Variants in MTM1 observed in about 807,000 individuals in gnomAD.
MTM1 encodes the protein myotubularin 1, also known as myotubularin.
In MTM1, 9 loss-of-function variants were observed where a neutral mutation model predicts 52.1. The ratio of observed to expected loss-of-function variants is 0.17; its 90% confidence interval spans 0.10 to 0.30. The LOEUF is 0.30. MTM1 is among the 10% of genes least tolerant of loss of function. MTM1 has a pLI of 1.00. For synonymous variants in MTM1, 136 were observed against 163.8 expected (o/e 0.83, Z 1.29); for missense variants, 277 against 470.7 (o/e 0.59, Z 3.81).
chrX:150,606,623 C>T (rs1178783904), intron 4 of MTM1, among the ~76,000 whole-genome samples: 1 of 111,544 alleles, frequency 9.0e-6, no homozygotes, highest in East Asian at 2.8e-4. Flanking sequence ...TCCTCCTTCC[C>T]TCGCATCTGA....
chrX:150,582,709 A>C, intron 1 of MTM1, among the ~76,000 whole-genome samples: 1 of 111,264 alleles, frequency 9.0e-6, no homozygotes, highest in East Asian at 2.8e-4. Flanking sequence ...CAAGGATTGC[A>C]GCCACCACCA....
chrX:150,654,708 G>A (rs949210145), intron 10 of MTM1, among the ~76,000 whole-genome samples: 5 of 111,620 alleles, frequency 4.5e-5, no homozygotes, highest in Non-Finnish European at 7.5e-5. Flanking sequence ...CCCATCACCC[G>A]AATAGTGAGC....
At chrX:150,581,022 T>C (rs185041313) in intron 1 of MTM1, among the ~76,000 whole-genome samples, 1 of 111,954 alleles carries the variant, frequency 8.9e-6, no homozygotes, top group East Asian at 2.8e-4. Flanking sequence ...TTGGAACTCT[T>C]CTTTGGATTG....
Position 150,663,619 on chromosome X carries a change from G to A in MTM1, c.1644+10G>A. 8.4e-7 allele frequency: 1 copy of A among 1,195,755 alleles called. No individual in the cohort carries two copies. The highest frequency in any genetic ancestry group is 1.1e-6 in the Non-Finnish European group (1 of 881,006). ...CAGGATCAAGCAACAAGTAAGTGAA[G>A]TAGCACTGTTAAAAGATAGCAATGT... On this transcript the variant is annotated intron_variant, in intron 14 of 14. Transcript: ENST00000370396.
In MTM1 at chrX:150,570,053, G is replaced by C. The variant is rs188982692; in HGVS notation, c.-11+1391G>C. On this transcript the variant is annotated intron_variant, in intron 1 of 14. Transcript: ENST00000370396. ...ATTCACGGGGGGCTTGTAGATTCTA[G>C]TGTAGTTAGTAAATGATTGGTCTCT... Among the ~76,000 whole-genome samples, 393 of 111,852 alleles carry C rather than the reference G, an allele frequency of 3.5e-3. 2 individuals carry two copies. Among genetic ancestry groups the C allele is most frequent in the African/African-American group, 0.012 (372 of 30,746 alleles).
At chrX:150,603,770 A>G (rs1239244101) in intron 4 of MTM1, among the ~76,000 whole-genome samples, 3 of 112,161 alleles carry the variant, frequency 2.7e-5, no homozygotes, top group Non-Finnish European at 5.6e-5. Flanking sequence ...AGTCATTAGC[A>G]TATTGGTAGC....
At chrX:150,601,675 T>C (rs1173845904) in intron 4 of MTM1, among the ~76,000 whole-genome samples, 1 of 112,239 alleles carries the variant, frequency 8.9e-6, no homozygotes, top group Non-Finnish European at 1.9e-5. Context: ...GGCCTGCTTC[T>C]ACCTAGCCCT....
intron 8 of MTM1, 91 bp from the exon 9 acceptor site, chrX:150,645,592 A>T: frequency 1.2e-6 from 1 of 853,974 alleles, no homozygotes; most frequent in Non-Finnish European, 1.7e-6. Context: ...TCACTTCTTG[A>T]TAACCGTCAG....
intron 1 of MTM1, among the ~76,000 whole-genome samples, chrX:150,579,155 A>G (rs1205762111): frequency 9.1e-6 from 1 of 110,246 alleles, no homozygotes; most frequent in East Asian, 2.8e-4. Context: ...CCTGGGTTCA[A>G]GCGATTCTCC....
Position 150,659,420 on chromosome X carries a change from T to C in MTM1, c.1261-244T>C, listed in dbSNP as rs1557414585. ...TGATTATATGAAATAATTGTAATAA[T>C]CACCTAGGATGATGATTCTTTGGCA... On this transcript the variant is annotated intron_variant, in intron 11 of 14. Transcript: ENST00000370396. 7.1e-5 allele frequency among the ~76,000 whole-genome samples: 8 copies of C among 111,978 alleles called. No individual in the cohort carries two copies. The Admixed American group carries it at 7.6e-4, about 11-fold the overall frequency.
intron 6 of MTM1, among the ~76,000 whole-genome samples, chrX:150,634,717 G>T (rs1310775148): frequency 2.7e-5 from 3 of 111,744 alleles, no homozygotes; most frequent in African/African-American, 9.8e-5. Context: ...AGGAAGACAT[G>T]ACTTGCTCAC....
intron 2 of MTM1, among the ~76,000 whole-genome samples, 186 bp from the exon 3 acceptor site, chrX:150,596,312 A>T (rs1357317722): frequency 8.9e-6 from 1 of 112,390 alleles, no homozygotes; most frequent in African/African-American, 3.2e-5. Flanking sequence ...AAGTTGACAC[A>T]TCTAATTAAT....
intron 2 of MTM1, among the ~76,000 whole-genome samples, chrX:150,596,143 A>G (rs1413878071): frequency 1.8e-5 from 2 of 112,338 alleles, no homozygotes; most frequent in South Asian, 3.7e-4. Flanking sequence ...ATGGCTGAAT[A>G]TGAAAAAAAG....
chrX:150,626,401 C>T (rs1445849024), intron 6 of MTM1, among the ~76,000 whole-genome samples: 1 of 111,313 alleles, frequency 9.0e-6, no homozygotes, highest in Admixed American at 9.5e-5. Flanking sequence ...GCAACCTTCG[C>T]CTCCCCAGTT....
chrX:150,583,630 TTATA>T (rs1453114667), intron 1 of MTM1, among the ~76,000 whole-genome samples: 1 of 35,044 alleles, frequency 2.9e-5, no homozygotes, highest in African/African-American at 1.3e-4. Context: ...TATATATAAT[TTATA>T]TATAATATAT....
intron 6 of MTM1, among the ~76,000 whole-genome samples, chrX:150,625,873 A>G (rs1248153582): frequency 1.2e-4 from 14 of 112,684 alleles, no homozygotes; most frequent in Non-Finnish European, 3.7e-5. Flanking sequence ...TGCTCTTGGT[A>G]ACTCTAATTT....
At chrX:150,617,502 T>C (rs1557413164) in intron 5 of MTM1, among the ~76,000 whole-genome samples, 1 of 112,589 alleles carries the variant, frequency 8.9e-6, no homozygotes, top group African/African-American at 3.2e-5. Flanking sequence ...TGTTGGACTT[T>C]ATTCTGTGAC....
At chrX:150,596,111 T>C (rs1557412598) in intron 2 of MTM1, among the ~76,000 whole-genome samples, 2 of 111,983 alleles carry the variant, frequency 1.8e-5, no homozygotes, top group African/African-American at 6.5e-5. Flanking sequence ...ATTGAAGTTT[T>C]CCTTCCTACT....
chrX:150,638,803 G>T (rs1557413772), intron 6 of MTM1, 140 bp from the exon 7 acceptor site: 11 of 460,273 alleles, frequency 2.4e-5, no homozygotes, highest in Admixed American at 1.8e-4. Flanking sequence ...TTTTGTTGTT[G>T]TTGTTATAAG....
Sources: gnomAD v4.1 joint callset for allele counts (sites outside exome capture counted in the v4.1 genomes callset) on GRCh38, gnomAD v4.1.1 for gene constraint, MANE v1.5 for transcripts, NCBI Gene and HGNC (gene_info 2026-07-23, HGNC 2026-07-21) for gene names.